The following POM121 variants were observed in gnomAD, a reference collection of about 807,000 sequenced individuals.
POM121 encodes the protein nuclear envelope pore membrane protein POM 121.
POM121 carries 32 observed loss-of-function variants against 81.3 expected under a neutral mutation model. The ratio of observed to expected loss-of-function variants is 0.39; its 90% confidence interval spans 0.30 to 0.53. The LOEUF (loss-of-function observed/expected upper bound fraction) is 0.53, where lower values mean the gene tolerates loss of function less well. Ranked by LOEUF, POM121 falls within the 20% of genes least tolerant of loss-of-function variation. POM121 has a pLI of 0.66. For missense variants in POM121, 1,138 were observed against 1,614.6 expected (o/e 0.70, Z 5.06); for synonymous variants, 514 against 694.2 (o/e 0.74, Z 4.08).
At position 72,938,454 on chromosome 7, in the gene POM121, A is replaced by C. The variant is rs1463447544; in HGVS notation, c.1276-136A>C. On this transcript the variant is annotated intron_variant, in intron 5 of 12. Transcript: ENST00000434423. ...GATCCTCCCACCTTGGCCTCCCAGC[A>C]TGCTGGGATTACAGGCATGACTAAC... 8.2e-6 allele frequency: 9 copies of C among 1,100,802 alleles called. No homozygotes were observed. The African/African-American group carries it at 1.3e-4, about 15-fold the overall frequency. The allele number at this position is 1,100,802 out of a possible 1,614,324, so 68.2% of individuals were successfully genotyped here.
chr7:72,880,238 C>A, intron 1 of POM121, among the ~76,000 whole-genome samples: 1 of 152,290 alleles, frequency 6.6e-6, no homozygotes, highest in East Asian at 1.9e-4. Context: ...TGATCACCCC[C>A]TTATATCTGC....
intron 5 of POM121, among the ~76,000 whole-genome samples, chr7:72,933,930 TA>T (rs1249869982): frequency 1.3e-5 from 2 of 152,112 alleles, no homozygotes; most frequent in Non-Finnish European, 2.9e-5. Flanking sequence ...AAAAAGCAAT[TA>T]CATAAAAACA....
At chr7:72,932,573 A>C (rs1254956995) in intron 5 of POM121, among the ~76,000 whole-genome samples, 1 of 152,200 alleles carries the variant, frequency 6.6e-6, no homozygotes, top group Non-Finnish European at 1.5e-5. Context: ...AAGTTCCTAG[A>C]AGTCAGATTC....
chr7:72,923,831 C>T (rs1236497516), upstream of POM121, among the ~76,000 whole-genome samples: 2 of 151,950 alleles, frequency 1.3e-5, no homozygotes, highest in Non-Finnish European at 2.9e-5. Flanking sequence ...AAACTCCTGA[C>T]CTCAGATGAT....
chr7:72,891,130 A>C (rs1419552123), intron 3 of POM121: 15 of 860,626 alleles, frequency 1.7e-5, no homozygotes, highest in East Asian at 2.5e-5. Flanking sequence ...TAGAGTATCA[A>C]ATGTTAAAAA....
upstream of POM121, among the ~76,000 whole-genome samples, chr7:72,923,170 T>C (rs1299187814): frequency 8.0e-6 from 1 of 125,066 alleles, no homozygotes; most frequent in East Asian, 2.6e-4. Context: ...GTATATTAAA[T>C]AGAAGCAGAA....
chr7:72,918,278 G>A (rs1333344346), intron 4 of POM121, among the ~76,000 whole-genome samples: 1 of 152,154 alleles, frequency 6.6e-6, no homozygotes, highest in Non-Finnish European at 1.5e-5. Context: ...CTGCTAAGTA[G>A]CCGGTGTTTT....
At position 72,929,936 on chromosome 7, in the gene POM121, T is replaced by C; in HGVS notation, c.1104-4T>C. On this transcript the variant is annotated splice_region_variant and splice_polypyrimidine_tract_variant and intron_variant, in intron 4 of 12. Coordinates refer to ENST00000434423, the MANE Select transcript of POM121 (RefSeq NM_001387691.1). ...AAGCATCTAACTGTCTTCTCTTTTA[T>C]TAGGCCTGGGTCTCTGAAGAGAGGC... The C allele has an allele frequency of 1.3e-6, 2 of 1,579,962 alleles. No homozygotes were observed. Among genetic ancestry groups the C allele is most frequent in the African/African-American group, 1.4e-5 (1 of 73,516 alleles).
chr7:72,908,127 C>T (rs1438178724), intron 3 of POM121, among the ~76,000 whole-genome samples: 4 of 152,192 alleles, frequency 2.6e-5, no homozygotes, highest in African/African-American at 4.8e-5. Flanking sequence ...GAAATTACAA[C>T]GTAGTTCTTC....
chr7:72,898,022 A>G (rs1275087586), intron 3 of POM121, among the ~76,000 whole-genome samples: 1 of 152,126 alleles, frequency 6.6e-6, no homozygotes, highest in Non-Finnish European at 1.5e-5. Flanking sequence ...CTGTCTAGGA[A>G]AAAAAGAAAG....
intron 5 of POM121, among the ~76,000 whole-genome samples, chr7:72,931,891 G>C (rs1279371029): frequency 6.6e-6 from 1 of 152,108 alleles, no homozygotes; most frequent in Non-Finnish European, 1.5e-5. Flanking sequence ...CAAAATAGCG[G>C]TATCAGTGTC....
At chr7:72,896,573 T>C in intron 3 of POM121, among the ~76,000 whole-genome samples, 1 of 138,968 alleles carries the variant, frequency 7.2e-6, no homozygotes, top group East Asian at 2.0e-4. Flanking sequence ...TAAAAGAGGA[T>C]TGCTTGAGCT....
At chr7:72,928,878 T>C (rs538344587) in intron 4 of POM121, among the ~76,000 whole-genome samples, 1 of 152,270 alleles carries the variant, frequency 6.6e-6, no homozygotes, top group East Asian at 1.9e-4. Flanking sequence ...TAGGATACCT[T>C]AGGTACCTCA....
rs1554500301 is a variant in POM121, at chr7:72,939,401, G to A, written c.1433G>A (p.Gly478Glu). ...TPLAADRESQ[G>E]EKAADTTPRK... is the part of the protein sequence containing the mutation. ...TTGGCAGCAGACAGGGAGTCCCAGG[G>A]AGAAAAGGGTAGGTTGCTGAGCCAG... The change falls in exon 7 of 13, where the codon GGA becomes GAA. Residue 478 changes from glycine to glutamate, a missense_variant. Coordinates refer to ENST00000434423, the MANE Select transcript of POM121 (RefSeq NM_001387691.1). 2 of 1,613,810 alleles carry A rather than the reference G, an allele frequency of 1.2e-6. No homozygotes were observed. The highest frequency in any genetic ancestry group is 2.7e-5 in the African/African-American group (2 of 74,918).
intron 3 of POM121, among the ~76,000 whole-genome samples, chr7:72,899,530 C>T (rs187513065): frequency 2.1e-4 from 32 of 151,794 alleles, no homozygotes; most frequent in Admixed American, 1.5e-3. Flanking sequence ...CAAGAGCATT[C>T]ACCCGGTCAC....
At chr7:72,907,498 T>C (rs1488709308) in intron 3 of POM121, among the ~76,000 whole-genome samples, 7 of 152,140 alleles carry the variant, frequency 4.6e-5, no homozygotes, top group African/African-American at 1.7e-4. Flanking sequence ...AAAAAATCTT[T>C]CTGGATTTTT....
At chr7:72,891,165 T>G in intron 3 of POM121, 1 of 652,136 alleles carries the variant, frequency 1.5e-6, no homozygotes, top group East Asian at 2.8e-5. Context: ...CCTTTGGGAG[T>G]GACTAAAGAG....
chr7:72,929,120 A>G (rs1283660621), intron 4 of POM121, among the ~76,000 whole-genome samples: 1 of 152,224 alleles, frequency 6.6e-6, no homozygotes, highest in Admixed American at 6.5e-5. Context: ...GATTTGCAAC[A>G]GCCCAAAGGG....
At chr7:72,929,894 G>T (rs370443964) in intron 4 of POM121, 46 bp from the exon 5 acceptor site, 3 of 1,515,498 alleles carry the variant, frequency 2.0e-6, no homozygotes, top group African/African-American at 2.8e-5. Flanking sequence ...AATCGTAAAA[G>T]AATTTTGCCT....
Sources: allele counts gnomAD v4.1 joint callset (sites outside exome capture counted in the v4.1 genomes callset), GRCh38; gene constraint gnomAD v4.1.1; transcripts MANE v1.5; gene names NCBI Gene and HGNC (gene_info 2026-07-23, HGNC 2026-07-21).